PLEKHH2: variants seen among roughly 807,000 people sequenced by gnomAD.
The protein encoded by PLEKHH2 is pleckstrin homology domain-containing family H member 2.
PLEKHH2 carries 129 observed loss-of-function variants against 187.9 expected under a neutral mutation model. That is an observed-to-expected ratio of 0.69 (90% confidence interval 0.59 to 0.79). The LOEUF is 0.79. Ranked by LOEUF, PLEKHH2 falls within the 30% of genes least tolerant of loss-of-function variation. The pLI, the probability that PLEKHH2 is intolerant of heterozygous loss-of-function variation, is 0.00. For synonymous variants in PLEKHH2, 686 were observed against 605.6 expected (o/e 1.13, Z -1.95); for missense variants, 2,076 against 1,751.2 (o/e 1.19, Z -3.31).
At chr2:43,718,651 T>C (rs1218158261) in intron 15 of PLEKHH2, among the ~76,000 whole-genome samples, 1 of 152,224 alleles carries the variant, frequency 6.6e-6, no homozygotes, top group Non-Finnish European at 1.5e-5. Context: ...TTCGAAGGCA[T>C]ACATTGTTCT....
chr2:43,693,052 C>G (rs944242086), intron 4 of PLEKHH2, among the ~76,000 whole-genome samples: 1 of 152,146 alleles, frequency 6.6e-6, no homozygotes, highest in Admixed American at 6.5e-5. Context: ...CTCAGCCTCC[C>G]GAGTAGCTGG....
chr2:43,738,483 G>A lies in PLEKHH2; in HGVS notation c.3086G>A (p.Arg1029Lys). 1 of 1,613,508 alleles carries A rather than the reference G, an allele frequency of 6.2e-7. No homozygotes were observed. Among genetic ancestry groups the A allele is most frequent in the East Asian group, 2.2e-5 (1 of 44,856 alleles). The change falls in exon 20 of 30, where the codon AGA becomes AAA. Residue 1029 changes from arginine to lysine, a missense_variant. Physicochemically the swap from Arg to Lys is conservative, Grantham distance 26 (BLOSUM62 2). Coordinates refer to ENST00000282406, the MANE Select transcript of PLEKHH2 (RefSeq NM_172069.4). ...TGCTGTCAGCTTATTAAACAGACAAGACGAAGACAGCCACAGAATCAACCA... is the reference window on the plus strand; with the variant it reads ...TGCTGTCAGCTTATTAAACAGACAAAACGAAGACAGCCACAGAATCAACCA... ...EICCQLIKQT[R>K]RRQPQNQPGP...
chr2:43,729,752 T>A lies in PLEKHH2; in HGVS notation c.2830+7T>A. 2 of 1,563,590 alleles carry A rather than the reference T, an allele frequency of 1.3e-6. No individual in the cohort carries two copies. The highest frequency in any genetic ancestry group is 1.7e-6 in the Non-Finnish European group (2 of 1,148,048). On this transcript the variant is annotated splice_region_variant and intron_variant, in intron 18 of 29. Transcript: ENST00000282406. The stretch of plus-strand genomic sequence containing the variant: ...AATATAGACGGGGAGCCTTGTAAGT[T>A]CATAAACATATAAATAAAGCTTTAT...
intron 3 of PLEKHH2, among the ~76,000 whole-genome samples, chr2:43,691,697 A>G (rs1343881417): frequency 6.6e-6 from 1 of 152,078 alleles, no homozygotes; most frequent in Admixed American, 6.5e-5. Flanking sequence ...AAAAAAACAT[A>G]TTTATTATAT....
chr2:43,703,481 C>G (rs895069481), intron 8 of PLEKHH2, among the ~76,000 whole-genome samples: 1 of 152,198 alleles, frequency 6.6e-6, no homozygotes, highest in East Asian at 1.9e-4. Flanking sequence ...GCTACTGTAT[C>G]TATGACTTCT....
At chr2:43,735,896 T>C (rs116574901) in intron 19 of PLEKHH2, among the ~76,000 whole-genome samples, 1,626 of 152,258 alleles carry the variant, frequency 0.011, 13 homozygotes, top group Middle Eastern at 0.017. Flanking sequence ...TAGCAATACA[T>C]AGATACTTCA....
intron 2 of PLEKHH2, among the ~76,000 whole-genome samples, chr2:43,678,382 G>C (rs945126670): frequency 3.9e-5 from 6 of 152,204 alleles, no homozygotes; most frequent in Admixed American, 1.3e-4. Flanking sequence ...AGGTTGTAGC[G>C]AGCCGAGATC....
chr2:43,747,808 G>A (rs1671841281), intron 24 of PLEKHH2, among the ~76,000 whole-genome samples: 1 of 152,120 alleles, frequency 6.6e-6, no homozygotes, highest in African/African-American at 2.4e-5. Flanking sequence ...TCTCTTTTTG[G>A]AAGATGTTCA....
At chr2:43,736,213 G>A (rs1056388248) in intron 19 of PLEKHH2, among the ~76,000 whole-genome samples, 5 of 152,146 alleles carry the variant, frequency 3.3e-5, no homozygotes, top group Non-Finnish European at 7.3e-5. Flanking sequence ...TGATAAGATA[G>A]TGAGAGGTAC....
intron 15 of PLEKHH2, among the ~76,000 whole-genome samples, chr2:43,715,040 G>A (rs554411266): frequency 5.9e-5 from 9 of 152,276 alleles, no homozygotes; most frequent in Middle Eastern, 3.4e-3. Context: ...CACTTAGGGA[G>A]GCTGAGGCAG....
At chr2:43,679,425 G>T in intron 3 of PLEKHH2, 2 of 295,630 alleles carry the variant, frequency 6.8e-6, no homozygotes, top group Non-Finnish European at 1.3e-5. Flanking sequence ...AAGGCTGAGA[G>T]GAAACACCCC....
intron 2 of PLEKHH2, among the ~76,000 whole-genome samples, chr2:43,669,796 T>C (rs1667409709): frequency 2.0e-5 from 3 of 152,206 alleles, no homozygotes; most frequent in Admixed American, 6.5e-5. Flanking sequence ...AACCTCTGCC[T>C]CCTGGGTTTG....
At chr2:43,716,806 G>C (rs1670234144) in intron 15 of PLEKHH2, among the ~76,000 whole-genome samples, 1 of 152,150 alleles carries the variant, frequency 6.6e-6, no homozygotes, top group African/African-American at 2.4e-5. Context: ...TGTGAAAATA[G>C]AGGGAATAAT....
intron 1 of PLEKHH2, among the ~76,000 whole-genome samples, chr2:43,643,038 T>A (rs2104321646): frequency 6.6e-6 from 1 of 152,258 alleles, no homozygotes; most frequent in East Asian, 1.9e-4. Context: ...TCTTTCCCTG[T>A]TCGCTCTAAA....
chr2:43,720,737 T>G lies in PLEKHH2; in HGVS notation c.2529T>G (p.Ser843Arg). 1 of 1,609,764 alleles carries G rather than the reference T, an allele frequency of 6.2e-7. No individual in the cohort carries two copies. Among genetic ancestry groups the G allele is most frequent in the Non-Finnish European group, 8.5e-7 (1 of 1,178,564 alleles). ...GAAAGACATTATATTATTTTCGGAG[T>G]CAAGAAGATAAGGTATGTATGTATT... ...LIGKTLYYFR[S>R]QEDKFPLGQI... The change falls in exon 16 of 30, where the codon AGT (serine) becomes AGG (arginine). Residue 843 changes from serine to arginine, a missense_variant. Physicochemically the swap from Ser to Arg is moderately radical, Grantham distance 110. Coordinates refer to ENST00000282406, the MANE Select transcript of PLEKHH2 (RefSeq NM_172069.4).
intron 15 of PLEKHH2, among the ~76,000 whole-genome samples, chr2:43,715,916 G>C (rs555471471): frequency 1.8e-4 from 28 of 152,268 alleles, no homozygotes; most frequent in Admixed American, 1.3e-3. Context: ...TGTAGGGCAG[G>C]GGAGAGCAGG....
intron 19 of PLEKHH2, among the ~76,000 whole-genome samples, chr2:43,737,765 A>G (rs1456960402): frequency 6.6e-6 from 1 of 152,180 alleles, no homozygotes; most frequent in Non-Finnish European, 1.5e-5. Context: ...TTATAAGCTA[A>G]TCTTAGAAAT....
At chr2:43,706,467 C>T in intron 10 of PLEKHH2, 51 bp downstream of exon 10, 1 of 1,288,438 alleles carries the variant, frequency 7.8e-7, no homozygotes, top group Non-Finnish European at 1.1e-6. Flanking sequence ...CATGATGGAT[C>T]AAGGAAATTG....
rs370102860 is a variant in PLEKHH2 at position 43,675,871 on chromosome 2, T to C, written c.124-2992T>C. The C allele has an allele frequency of 1.2e-5, 20 of 1,613,970 alleles. No homozygotes were observed. Among genetic ancestry groups the C allele is most frequent in the Non-Finnish European group, 1.4e-5 (17 of 1,179,964 alleles). ...CCTTGTAAACAAAAGGTACTTTAAA[T>C]TTTCAATGACAGCAAACGTAGTGGG... On this transcript the variant is annotated intron_variant, in intron 2 of 29. Transcript: ENST00000282406.
Sources: gnomAD v4.1 joint callset for allele counts (sites outside exome capture counted in the v4.1 genomes callset) on GRCh38, gnomAD v4.1.1 for gene constraint, MANE v1.5 for transcripts, NCBI Gene and HGNC (gene_info 2026-07-23, HGNC 2026-07-21) for gene names.